RELT: variants seen among roughly 807,000 people sequenced by gnomAD.
RELT encodes the protein RELT TNF receptor, also known as tumor necrosis factor receptor superfamily member 19L.
A neutral mutation model predicts 51.1 loss-of-function variants in RELT; 37 were observed. The observed-to-expected ratio is 0.72, with a 90% CI of 0.56 to 0.95. The LOEUF is 0.95. Among genes scored for constraint, RELT ranks in the 40% least tolerant of loss-of-function variants. The pLI is 0.00. For missense variants in RELT, 535 were observed against 572.6 expected (o/e 0.93, Z 0.67); for synonymous variants, 241 against 235.7 (o/e 1.02, Z -0.21).
At chr11:73,389,652 A>G (rs1322421483) in intron 2 of RELT, among the ~76,000 whole-genome samples, 1 of 152,154 alleles carries the variant, frequency 6.6e-6, no homozygotes, top group African/African-American at 2.4e-5. Flanking sequence ...CACATTACAG[A>G]CTTGCAGCAT....
rs1319783927 is a variant in RELT at position 73,390,855 on chromosome 11, G to C, written c.221G>C (p.Trp74Ser). 6.2e-7 allele frequency: 1 copy of C among 1,612,926 alleles called. No individual in the cohort carries two copies. Among genetic ancestry groups the C allele is most frequent in the Non-Finnish European group, 8.5e-7 (1 of 1,179,758 alleles). ...PCQPHARCSLWRRLEAQVGMA... is the reference protein window; with the variant it reads ...PCQPHARCSLSRRLEAQVGMA... The stretch of plus-strand genomic sequence containing the variant: ...CAGCCCCATGCCCGTTGCAGCCTTT[G>C]GAGGAGGCTGGAGGCCCAGGTGGGC... The change falls in exon 4 of 11, where the codon TGG becomes TCG. Residue 74 changes from tryptophan (W) to serine (S), a missense_variant. By Grantham distance (177) the Trp-to-Ser change is radical. Transcript: ENST00000064780.
In RELT at chr11:73,393,611, C is replaced by T. The variant is rs765028977; in HGVS notation, c.626-226C>T. The T allele has an allele frequency of 1.6e-5, 24 of 1,497,754 alleles. No individual in the cohort carries two copies. In the Admixed American group the frequency reaches 4.6e-4, roughly 29 times the overall value. 92.8% of individuals were successfully genotyped at this position (1,497,754 alleles called of 1,614,324 possible). On this transcript the variant is annotated intron_variant, in intron 6 of 10. Transcript: ENST00000064780. ...CACGTGGCCCTGAAGCCTCTATGCA[C>T]CCGGGCTGTTGGGTGCAGGAAGCAC...
intron 5 of RELT, chr11:73,391,994 G>A (rs1169591003): frequency 1.1e-5 from 7 of 614,490 alleles, no homozygotes; most frequent in East Asian, 2.8e-5. Flanking sequence ...GTGTCTGGCC[G>A]TCCTGAGGAG....
intron 1 of RELT, among the ~76,000 whole-genome samples, chr11:73,378,846 T>A (rs1368505546): frequency 2.6e-5 from 4 of 152,168 alleles, no homozygotes; most frequent in Admixed American, 2.6e-4. Flanking sequence ...TTGAAGAGTG[T>A]ATGGAGTTAG....
Position 73,392,311 on chromosome 11 carries a change from A to G in RELT, c.468A>G (p.Pro156=), listed in dbSNP as rs1565223083. The G allele has an allele frequency of 1.2e-6, 2 of 1,613,546 alleles. No individual in the cohort carries two copies. The highest frequency in any genetic ancestry group is 1.7e-6 in the Non-Finnish European group (2 of 1,179,916). ...QPGNGTRAGG[P]EETAAQYAVI... ...GGAACGGCACCCGGGCAGGTGGCCCAGAGGAGACAGCCGCCCAGTACGCGG... is the reference window on the plus strand; with the variant it reads ...GGAACGGCACCCGGGCAGGTGGCCCGGAGGAGACAGCCGCCCAGTACGCGG... Residue 156 remains proline, a synonymous_variant, in exon 6 of 11, where the codon CCA becomes CCG. Transcript: ENST00000064780.
At position 73,396,876 on chromosome 11, in the gene RELT, T is replaced by C. The variant is rs954738286; in HGVS notation, c.*1385T>C. On this transcript the variant is annotated 3_prime_UTR_variant, in exon 11 of 11. Transcript: ENST00000064780. ...CCACAGAAATAGTGTGAGCCACATA[T>C]GTGACTTTAAATTTTCTGACAGTCA... 6.6e-6 allele frequency: 1 copy of C among 152,220 alleles called. No homozygotes were observed. The highest frequency in any genetic ancestry group is 2.4e-5 in the African/African-American group (1 of 41,454). 9.4% of individuals were successfully genotyped at this position (152,220 alleles called of 1,614,324 possible). A position where few individuals can be genotyped will look rare whatever the true frequency, so the allele number is the denominator to read the frequency against.
chr11:73,388,518 G>A lies in RELT; in HGVS notation c.-25-594G>A, dbSNP rs991361249. 6.6e-6 allele frequency among the ~76,000 whole-genome samples: 1 copy of A among 152,208 alleles called. No homozygotes were observed. The highest frequency in any genetic ancestry group is 2.4e-5 in the African/African-American group (1 of 41,458). On this transcript the variant is annotated intron_variant, in intron 1 of 10. Coordinates refer to ENST00000064780, the MANE Select transcript of RELT (RefSeq NM_152222.2). The surrounding 1 kb of genome is among the most constrained non-coding windows in gnomAD (Gnocchi z 4.1). The stretch of plus-strand genomic sequence containing the variant: ...GGACCTAGATGGGGTGGGGAGCTGT[G>A]GGAGCCAGACCCACTTTGGGGAAAG...
Position 73,394,367 on chromosome 11 carries a change from C to T in RELT, c.788+50C>T. On this transcript the variant is annotated intron_variant, in intron 8 of 10. Transcript: ENST00000064780. This position sits in a 1 kb window ranked among gnomAD's most constrained non-coding sequence, Gnocchi z 4.9. Reference sequence around the variant, plus strand: ...GGGGCCAAAACCTACATTAACCAGCCTGCCTCCTGGGGATCTCCCACTTGG... The same window carrying T: ...GGGGCCAAAACCTACATTAACCAGCTTGCCTCCTGGGGATCTCCCACTTGG... The T allele has an allele frequency of 6.2e-7, 1 of 1,610,262 alleles. No homozygotes were observed. The highest frequency in any genetic ancestry group is 1.1e-5 in the South Asian group (1 of 90,964).
intron 1 of RELT, among the ~76,000 whole-genome samples, chr11:73,380,273 T>G (rs12099129): frequency 0.078 from 11,925 of 152,198 alleles, 603 homozygotes; most frequent in Non-Finnish European, 0.1. Context: ...ACCGGGAGAT[T>G]TGCACCCAGG....
At chr11:73,392,732 C>T in intron 6 of RELT, 6 of 1,397,034 alleles carry the variant, frequency 4.3e-6, no homozygotes, top group Non-Finnish European at 5.6e-6. Flanking sequence ...ATGTGGGGAT[C>T]TGGACTCTTT....
At chr11:73,377,697 C>G (rs1053897167) in intron 1 of RELT, among the ~76,000 whole-genome samples, 1 of 145,780 alleles carries the variant, frequency 6.9e-6, no homozygotes, top group African/African-American at 2.5e-5. Context: ...CCGCCCCCCT[C>G]CCCCGCGCAG....
rs565121942 is a variant in RELT at position 73,388,073 on chromosome 11, G to T, written c.-25-1039G>T. On this transcript the variant is annotated intron_variant, in intron 1 of 10. Coordinates refer to ENST00000064780, the MANE Select transcript of RELT (RefSeq NM_152222.2). This position sits in a 1 kb window ranked among gnomAD's most constrained non-coding sequence, Gnocchi z 4.1. ...GCTGTGTCCGCCTCGTCCACTGGCC[G>T]GAGGCTTCTCCAGAGCAGGCCACCG... 1.2e-3 allele frequency among the ~76,000 whole-genome samples: 186 copies of T among 152,296 alleles called. No homozygotes were observed. Among genetic ancestry groups the T allele is most frequent in the Non-Finnish European group, 2.3e-3 (154 of 68,008 alleles).
chr11:73,388,966 T>G lies in RELT; in HGVS notation c.-25-146T>G, dbSNP rs1467229681. The G allele has an allele frequency of 1.9e-5, 12 of 621,254 alleles. No homozygotes were observed. The highest frequency in any genetic ancestry group is 3.2e-5 in the Non-Finnish European group (11 of 347,184). The allele number at this position is 621,254 out of a possible 1,614,324, so 38.5% of individuals were successfully genotyped here. A position where few individuals can be genotyped will look rare whatever the true frequency, so the allele number is the denominator to read the frequency against. ...CTGCTTGGGCCTGTGCTTGCGGGTG[T>G]GGAGCCGGCCTCCCCGGGCTCTGCC... On this transcript the variant is annotated intron_variant, in intron 1 of 10. Coordinates refer to ENST00000064780, the MANE Select transcript of RELT (RefSeq NM_152222.2). This position sits in a 1 kb window ranked among gnomAD's most constrained non-coding sequence, Gnocchi z 4.1.
chr11:73,381,677 G>A (rs1369513790), intron 1 of RELT, among the ~76,000 whole-genome samples: 1 of 152,222 alleles, frequency 6.6e-6, no homozygotes, highest in Non-Finnish European at 1.5e-5. Context: ...CAGCTGCACT[G>A]GTGTAATTGG....
chr11:73,392,172 C>T (rs1344053277), intron 5 of RELT, 39 bp from the exon 6 acceptor site: 2 of 1,599,542 alleles, frequency 1.3e-6, no homozygotes, highest in African/African-American at 2.7e-5. Context: ...GTTTGTGTCA[C>T]TCTGCTTTTG....
rs1465658317 is a variant in RELT at position 73,394,577 on chromosome 11, C to T, written c.889C>T (p.Arg297Cys). 3 of 1,612,878 alleles carry T rather than the reference C, an allele frequency of 1.9e-6. No homozygotes were observed. The highest frequency in any genetic ancestry group is 2.5e-6 in the Non-Finnish European group (3 of 1,180,004). ...LASLSGPCCS[R>C]CSQKKWPEVL... ...CTCGCTCTCTGGCCCCTGCTGCTCC[C>T]GCTGTAGCCAGAAGAAGTGGCCCGA... Residue 297 changes from arginine to cysteine, a missense_variant, in exon 9 of 11, where the codon CGC (arginine) becomes TGC (cysteine). By Grantham distance (180) the Arg-to-Cys change is radical (BLOSUM62 -3). Coordinates refer to ENST00000064780, the MANE Select transcript of RELT (RefSeq NM_152222.2). This position sits in a 1 kb window ranked among gnomAD's most constrained non-coding sequence, Gnocchi z 4.9.
At chr11:73,380,165 G>A (rs536469259) in intron 1 of RELT, among the ~76,000 whole-genome samples, 57 of 152,298 alleles carry the variant, frequency 3.7e-4, no homozygotes, top group African/African-American at 1.3e-3. Flanking sequence ...AGCGTGGCCA[G>A]TAGCCCACCC....
rs1401455589 is a variant in RELT at position 73,397,331 on chromosome 11, C to T, written c.*1840C>T. ...GTGGAGAGGAAAGGAGCCACAGGAG[C>T]GGGTGCTACACCCGGCAAGACAGAG... is the stretch of plus-strand genomic sequence containing the variant. On this transcript the variant is annotated 3_prime_UTR_variant, in exon 11 of 11. Coordinates refer to ENST00000064780, the MANE Select transcript of RELT (RefSeq NM_152222.2). 1 of 152,212 alleles carries T rather than the reference C, an allele frequency of 6.6e-6. No individual in the cohort carries two copies. Among genetic ancestry groups the T allele is most frequent in the Non-Finnish European group, 1.5e-5 (1 of 68,046 alleles). 9.4% of individuals were successfully genotyped at this position (152,212 alleles called of 1,614,324 possible). A position where few individuals can be genotyped will look rare whatever the true frequency, so the allele number is the denominator to read the frequency against.
chr11:73,381,523 G>T (rs1042545210), intron 1 of RELT, among the ~76,000 whole-genome samples: 4 of 152,188 alleles, frequency 2.6e-5, no homozygotes, highest in Non-Finnish European at 1.5e-5. Flanking sequence ...GGTGAGGGGT[G>T]GGGGAGTCTG....
Sources: allele counts gnomAD v4.1 joint callset (sites outside exome capture counted in the v4.1 genomes callset), GRCh38; gene constraint gnomAD v4.1.1; non-coding constraint Gnocchi (gnomAD v3.1); transcripts MANE v1.5; gene names NCBI Gene and HGNC (gene_info 2026-07-23, HGNC 2026-07-21).